The following SORL1 variants were observed in gnomAD, a reference collection of about 807,000 sequenced individuals.
SORL1 encodes sortilin related receptor 1, also known as sortilin-related receptor.
In SORL1, 127 loss-of-function variants were observed where a neutral mutation model predicts 273.7. The observed-to-expected ratio is 0.46, with a 90% CI of 0.40 to 0.54. The LOEUF is 0.54. Ranked by LOEUF, SORL1 falls within the 20% of genes least tolerant of loss-of-function variation. The pLI is 0.00. For missense variants in SORL1, 2,494 were observed against 2,846.1 expected (o/e 0.88, Z 2.81); for synonymous variants, 1,031 against 1,067.4 (o/e 0.97, Z 0.66).
rs1423752785 is a variant in SORL1, at chr11:121,627,173, C to G, written c.6365-382C>G. The G allele has an allele frequency of 4.8e-6, 1 of 207,892 alleles. No homozygotes were observed. Among genetic ancestry groups the G allele is most frequent in the Non-Finnish European group, 9.9e-6 (1 of 100,854 alleles). 12.9% of individuals were successfully genotyped at this position (207,892 alleles called of 1,614,324 possible). On this transcript the variant is annotated intron_variant, in intron 46 of 47. Transcript: ENST00000260197. The surrounding 1 kb of genome is among the most constrained non-coding windows in gnomAD (Gnocchi z 4.9). ...AAGTAGGGGGAAATAATTGCAATCT[C>G]GTTAATTAGTGGTCTGATTTCACAT...
chr11:121,621,982 G>T (rs1302751727), intron 44 of SORL1, among the ~76,000 whole-genome samples, 180 bp from the exon 45 acceptor site: 1 of 152,198 alleles, frequency 6.6e-6, no homozygotes, highest in African/African-American at 2.4e-5. Flanking sequence ...CAATAAAAGA[G>T]ATGCCAATAA....
Position 121,462,232 on chromosome 11 carries a change from G to A in SORL1, c.286-7775G>A, listed in dbSNP as rs140819609. ...TTTTTCTCCACCTTTAAAACCTGGA[G>A]ATCTCACATAATTCCACTTTCTCCT... is the stretch of plus-strand genomic sequence containing the variant. On this transcript the variant is annotated intron_variant, in intron 1 of 47. Coordinates refer to ENST00000260197, the MANE Select transcript of SORL1 (RefSeq NM_003105.6). Among the ~76,000 whole-genome samples, 5 of 152,160 alleles carry A rather than the reference G, an allele frequency of 3.3e-5. No individual in the cohort carries two copies. In the East Asian group the frequency reaches 9.6e-4, roughly 29 times the overall value.
chr11:121,553,641 C>G (rs1862536599), intron 16 of SORL1, among the ~76,000 whole-genome samples: 1 of 152,082 alleles, frequency 6.6e-6, no homozygotes, highest in African/African-American at 2.4e-5. Flanking sequence ...AGGCTTAGCC[C>G]AGAAGTATGG....
chr11:121,604,095 C>A, intron 32 of SORL1, 98 bp from the exon 33 acceptor site: 1 of 1,447,602 alleles, frequency 6.9e-7, no homozygotes. Context: ...GAAGCAGAAG[C>A]CAATTAGTAC....
chr11:121,522,115 CA>C (rs1862048291), intron 9 of SORL1, among the ~76,000 whole-genome samples: 2 of 152,240 alleles, frequency 1.3e-5, no homozygotes, highest in Admixed American at 6.5e-5. Flanking sequence ...TACTGTACAT[CA>C]GGGGAGCTTT....
chr11:121,605,336 G>A, intron 34 of SORL1, 66 bp from the exon 35 acceptor site: 1 of 1,578,316 alleles, frequency 6.3e-7, no homozygotes, highest in African/African-American at 1.3e-5. Context: ...GCTATTAACG[G>A]AGTCAGACAT....
In SORL1 at chr11:121,496,098, T is replaced by C. The variant is rs531264696; in HGVS notation, c.759-771T>C. Among the ~76,000 whole-genome samples the C allele has an allele frequency of 4.6e-5, 7 of 152,312 alleles. No homozygotes were observed. The East Asian group carries it at 1.4e-3, about 29-fold the overall frequency. ...GGATGCTGCAGAGGGATGTTATTGC[T>C]AGTGTTGGGAGAAGAGAGGACAGCA... On this transcript the variant is annotated intron_variant, in intron 5 of 47. Transcript: ENST00000260197.
In SORL1 at chr11:121,532,472, T is replaced by C; in HGVS notation, c.1605T>C (p.Pro535=). The C allele has an allele frequency of 6.2e-7, 1 of 1,614,126 alleles. No individual in the cohort carries two copies. Among genetic ancestry groups the C allele is most frequent in the Admixed American group, 1.7e-5 (1 of 60,014 alleles). The change falls in exon 12 of 48, where the codon CCT becomes CCC. Residue 535 remains proline (P), a synonymous_variant. Transcript: ENST00000260197. ...GGATTTTTCCTCTTCAGGCACTTCC[T>C]GGACCTCACTACTACACATGGGGAG... ...SAGARWREAL[P]GPHYYTWGDH...
chr11:121,563,258 C>T lies in SORL1; in HGVS notation c.3049+3601C>T, dbSNP rs910142932. On this transcript the variant is annotated intron_variant, in intron 21 of 47. Coordinates refer to ENST00000260197, the MANE Select transcript of SORL1 (RefSeq NM_003105.6). The surrounding 1 kb of genome is among the most constrained non-coding windows in gnomAD (Gnocchi z 4.2). ...GTCATGTGTTGCTAGAATAGCAGTG[C>T]CCTGGTAGTATGACAGCAGTTCAGA... Among the ~76,000 whole-genome samples the T allele has an allele frequency of 6.6e-6, 1 of 152,120 alleles. No homozygotes were observed. Among genetic ancestry groups the T allele is most frequent in the East Asian group, 1.9e-4 (1 of 5,204 alleles).
In SORL1 at chr11:121,452,415, C is replaced by T. The variant is rs200230538; in HGVS notation, c.84C>T (p.Cys28=). Residue 28 remains cysteine, a synonymous_variant, in exon 1 of 48, where the codon TGC becomes TGT. Transcript: ENST00000260197. The surrounding 1 kb of genome is among the most constrained non-coding windows in gnomAD (Gnocchi z 5.3). ...CACTGCTGCCGCCCGGAGCTCTCTG[C>T]GAAGTCTGGACGCAGAGGCTGCACG... ...LVALLPPGAL[C]EVWTQRLHGG... 1 of 1,523,774 alleles carries T rather than the reference C, an allele frequency of 6.6e-7. No homozygotes were observed. The highest frequency in any genetic ancestry group is 8.8e-7 in the Non-Finnish European group (1 of 1,138,718). 94.4% of individuals were successfully genotyped at this position (1,523,774 alleles called of 1,614,324 possible). A position where few individuals can be genotyped will look rare whatever the true frequency, so the allele number is the denominator to read the frequency against.
At chr11:121,520,261 A>G (rs1862019699) in intron 8 of SORL1, among the ~76,000 whole-genome samples, 1 of 151,942 alleles carries the variant, frequency 6.6e-6, no homozygotes, top group African/African-American at 2.4e-5. Flanking sequence ...ACTGTCTCCA[A>G]AAAAAAAGGA....
rs774690115 is a variant in SORL1, at chr11:121,595,730, G to A, written c.4477G>A (p.Gly1493Ser). ...TATTCCCAACTGGAAGCGCTGTGAC[G>A]GCCACCAAGATTGCCAGGATGGCCG... is the stretch of plus-strand genomic sequence containing the variant. ...TCIPNWKRCD[G>S]HQDCQDGRDE... The change falls in exon 32 of 48, where the codon GGC becomes AGC. Residue 1493 changes from glycine to serine, a missense_variant. Coordinates refer to ENST00000260197, the MANE Select transcript of SORL1 (RefSeq NM_003105.6). The surrounding 1 kb of genome is among the most constrained non-coding windows in gnomAD (Gnocchi z 5.1). 69 of 1,613,820 alleles carry A rather than the reference G, an allele frequency of 4.3e-5. No homozygotes were observed. Among genetic ancestry groups the A allele is most frequent in the Admixed American group, 1.3e-4 (8 of 60,006 alleles).
In SORL1 at chr11:121,607,190, A is replaced by G; in HGVS notation, c.5066A>G (p.Glu1689Gly). The G allele has an allele frequency of 6.3e-7, 1 of 1,596,966 alleles. No homozygotes were observed. The highest frequency in any genetic ancestry group is 8.6e-7 in the Non-Finnish European group (1 of 1,164,372). ...THGLIREYIV[E>G]YSRSGSKMWA... ...TTTTTTTTCTTCTCCCTTTAGGTAG[A>G]ATACAGCAGGAGTGGTTCCAAGATG... The change falls in exon 37 of 48, where the codon GAA becomes GGA. Residue 1689 changes from glutamate (E) to glycine (G), a missense_variant. Physicochemically the swap from Glu to Gly is moderately conservative, Grantham distance 98. Around this residue, in one of 3 missense-constraint regions of SORL1, gnomAD observed 1,609 missense variants for 1,816.4 expected, o/e 0.89. Coordinates refer to ENST00000260197, the MANE Select transcript of SORL1 (RefSeq NM_003105.6).
At chr11:121,609,805 G>C (rs117310086) in intron 38 of SORL1, 3 of 152,188 alleles carry the variant, frequency 2.0e-5, no homozygotes, top group African/African-American at 7.2e-5. Context: ...TATACACTAA[G>C]CACCATGCTA....
Position 121,452,326 on chromosome 11 carries a change from C to T in SORL1, c.-6C>T, listed in dbSNP as rs1236568383. On this transcript the variant is annotated 5_prime_UTR_variant, in exon 1 of 48. Coordinates refer to ENST00000260197, the MANE Select transcript of SORL1 (RefSeq NM_003105.6). The surrounding 1 kb of genome is among the most constrained non-coding windows in gnomAD (Gnocchi z 5.3). ...CGGCGCCACCTGCAGTAGCGTTCGC[C>T]CGAACATGGCGACACGGAGCAGCAG... The T allele has an allele frequency of 2.6e-6, 4 of 1,531,498 alleles. No individual in the cohort carries two copies. The highest frequency in any genetic ancestry group is 3.5e-6 in the Non-Finnish European group (4 of 1,143,510). The allele number at this position is 1,531,498 out of a possible 1,614,324, so 94.9% of individuals were successfully genotyped here. A position where few individuals can be genotyped will look rare whatever the true frequency, so the allele number is the denominator to read the frequency against.
In SORL1 at chr11:121,625,105, T is replaced by G. The variant is rs1863775735; in HGVS notation, c.6192T>G (p.Phe2064Leu). Residue 2064 changes from phenylalanine to leucine, a missense_variant, in exon 46 of 48, where the codon TTT becomes TTG. Physicochemically the swap from Phe to Leu is conservative, Grantham distance 22 (BLOSUM62 0). Transcript: ENST00000260197. Reference protein sequence around the residue: ...NESRGYEIHMFDSAMNITAYL... With the variant: ...NESRGYEIHMLDSAMNITAYL... ...TTCAGGGCTATGAGATACACATGTT[T>G]GATAGTGCCATGAATATCACAGCTT... 6.2e-7 allele frequency: 1 copy of G among 1,612,622 alleles called. No homozygotes were observed. Among genetic ancestry groups the G allele is most frequent in the East Asian group, 2.2e-5 (1 of 44,866 alleles).
Position 121,625,245 on chromosome 11 carries a change from C to T in SORL1, c.6332C>T (p.Pro2111Leu). 1 of 1,613,848 alleles carries T rather than the reference C, an allele frequency of 6.2e-7. No individual in the cohort carries two copies. The highest frequency in any genetic ancestry group is 8.5e-7 in the Non-Finnish European group (1 of 1,179,912). ...CLFGNQICGE[P>L]AILLYDELGS... ...TTTGGCAACCAGATCTGTGGGGAGCCTGCCATCCTGCTGTACGATGAGCTG... is the reference window on the plus strand; with the variant it reads ...TTTGGCAACCAGATCTGTGGGGAGCTTGCCATCCTGCTGTACGATGAGCTG... The change falls in exon 46 of 48, where the codon CCT becomes CTT. Residue 2111 changes from proline (P) to leucine (L), a missense_variant. Transcript: ENST00000260197.
chr11:121,542,980 A>G (rs1260244581), intron 12 of SORL1, among the ~76,000 whole-genome samples: 1 of 151,248 alleles, frequency 6.6e-6, no homozygotes, highest in Non-Finnish European at 1.5e-5. Flanking sequence ...GGTCGAGATC[A>G]TCCTGGCTAA....
At chr11:121,505,946 A>G (rs1241489519) in intron 6 of SORL1, among the ~76,000 whole-genome samples, 5 of 152,314 alleles carry the variant, frequency 3.3e-5, no homozygotes, top group South Asian at 2.1e-4. Context: ...ATTATGTTCT[A>G]TAAGTGTTTA....
Sources: gnomAD v4.1 joint callset for allele counts (sites outside exome capture counted in the v4.1 genomes callset) on GRCh38, gnomAD v4.1.1 for gene constraint, gnomAD v4.1.1 regional missense constraint, Gnocchi (gnomAD v3.1) non-coding constraint, MANE v1.5 for transcripts, NCBI Gene and HGNC (gene_info 2026-07-23, HGNC 2026-07-21) for gene names.